The following ASZ1 variants were observed in gnomAD, a reference collection of about 807,000 sequenced individuals.
ASZ1 encodes the protein ankyrin repeat, SAM and basic leucine zipper domain containing 1, also known as ankyrin repeat, SAM and basic leucine zipper domain-containing protein 1.
ASZ1 carries 67 observed loss-of-function variants against 61.8 expected under a neutral mutation model. The ratio of observed to expected loss-of-function variants is 1.08; its 90% CI spans 0.89 to 1.33. The LOEUF (loss-of-function observed/expected upper bound fraction) is 1.33. ASZ1 is among the 40% of genes most tolerant of loss of function. The pLI is 0.00. For missense variants in ASZ1, 577 were observed against 554.5 expected (o/e 1.04, Z -0.41); for synonymous variants, 193 against 192.7 (o/e 1.00, Z -0.01).
chr7:117,408,470 C>G (rs1364803898), intron 4 of ASZ1, among the ~76,000 whole-genome samples: 1 of 152,122 alleles, frequency 6.6e-6, no homozygotes, highest in African/African-American at 2.4e-5. Flanking sequence ...CCATTACACC[C>G]AACCATTGCC....
intron 2 of ASZ1, 97 bp from the exon 3 acceptor site, chr7:117,422,456 T>C: frequency 7.7e-7 from 1 of 1,304,748 alleles, no homozygotes; most frequent in Non-Finnish European, 1.0e-6. Context: ...GTGACGTACA[T>C]CATGTACTTT....
At chr7:117,394,501 T>G (rs763598857) in intron 4 of ASZ1, among the ~76,000 whole-genome samples, 3 of 152,214 alleles carry the variant, frequency 2.0e-5, no homozygotes, top group Non-Finnish European at 4.4e-5. Context: ...TGTCTACATA[T>G]TTTAATTAAA....
chr7:117,398,852 T>C (rs916431595), intron 4 of ASZ1, among the ~76,000 whole-genome samples: 2 of 152,146 alleles, frequency 1.3e-5, no homozygotes, highest in African/African-American at 4.8e-5. Context: ...CTTTCCTCCT[T>C]CTCCACTTGC....
intron 4 of ASZ1, among the ~76,000 whole-genome samples, chr7:117,418,273 A>T (rs1584743045): frequency 6.6e-6 from 1 of 152,338 alleles, no homozygotes; most frequent in East Asian, 1.9e-4. Context: ...GGAGTACTAA[A>T]GCACATGTCC....
chr7:117,377,283 T>C (rs1409090121), intron 10 of ASZ1, among the ~76,000 whole-genome samples: 1 of 152,094 alleles, frequency 6.6e-6, no homozygotes, highest in East Asian at 1.9e-4. Flanking sequence ...TCCCAGTACT[T>C]AGGGAGCCGA....
chr7:117,366,870 A>G (rs1022419249), intron 12 of ASZ1, among the ~76,000 whole-genome samples: 10 of 152,112 alleles, frequency 6.6e-5, no homozygotes, highest in Admixed American at 3.9e-4. Flanking sequence ...TCATATCTTT[A>G]GCTGATATTT....
chr7:117,421,991 C>A (rs1045753744), intron 3 of ASZ1, among the ~76,000 whole-genome samples: 1 of 152,004 alleles, frequency 6.6e-6, no homozygotes, highest in African/African-American at 2.4e-5. Flanking sequence ...TAAAAACAAC[C>A]AAAACCTTAA....
intron 4 of ASZ1, among the ~76,000 whole-genome samples, chr7:117,411,877 T>C (rs1796896083): frequency 1.3e-5 from 2 of 151,758 alleles, no homozygotes; most frequent in Admixed American, 6.6e-5. Context: ...TTAACCACCA[T>C]ATAAAATAAG....
chr7:117,423,351 T>A (rs1797133957), intron 2 of ASZ1, among the ~76,000 whole-genome samples: 1 of 152,044 alleles, frequency 6.6e-6, no homozygotes, highest in African/African-American at 2.4e-5. Flanking sequence ...TACATAATAA[T>A]CACTGGGAGA....
intron 4 of ASZ1, among the ~76,000 whole-genome samples, chr7:117,394,446 A>G (rs1296774734): frequency 6.6e-6 from 1 of 152,140 alleles, no homozygotes; most frequent in Non-Finnish European, 1.5e-5. Flanking sequence ...GTTAACTTTT[A>G]GGATTTTTGC....
intron 10 of ASZ1, among the ~76,000 whole-genome samples, chr7:117,376,601 AC>A (rs1324540499): frequency 6.6e-6 from 1 of 152,160 alleles, no homozygotes; most frequent in East Asian, 1.9e-4. Flanking sequence ...ACCCACAACC[AC>A]ATGGGATTAA....
intron 4 of ASZ1, among the ~76,000 whole-genome samples, chr7:117,399,605 T>A (rs1796640515): frequency 6.6e-6 from 1 of 152,268 alleles, no homozygotes; most frequent in South Asian, 2.1e-4. Context: ...CTCAAAATTT[T>A]TTACATTCAA....
At chr7:117,388,852 A>G (rs1321093198) in intron 4 of ASZ1, among the ~76,000 whole-genome samples, 2 of 152,308 alleles carry the variant, frequency 1.3e-5, no homozygotes, top group East Asian at 3.9e-4. Context: ...AATTGTCTTT[A>G]TTCACAGACA....
intron 4 of ASZ1, among the ~76,000 whole-genome samples, chr7:117,386,587 C>T (rs554228593): frequency 6.6e-6 from 1 of 152,156 alleles, no homozygotes; most frequent in Admixed American, 6.6e-5. Context: ...GACTCTGAGC[C>T]CAATTTTCCT....
intron 2 of ASZ1, among the ~76,000 whole-genome samples, chr7:117,424,303 T>C (rs1421566464): frequency 6.6e-6 from 1 of 152,154 alleles, no homozygotes; most frequent in Non-Finnish European, 1.5e-5. Context: ...TGCAGAAGCA[T>C]GTTTCAAGAA....
intron 10 of ASZ1, among the ~76,000 whole-genome samples, chr7:117,376,825 C>G (rs1012295457): frequency 6.6e-6 from 1 of 152,042 alleles, no homozygotes. Context: ...GCTAACATCA[C>G]AGTTAATTAA....
intron 10 of ASZ1, among the ~76,000 whole-genome samples, chr7:117,378,143 T>A (rs1295689925): frequency 6.6e-6 from 1 of 152,148 alleles, no homozygotes; most frequent in Non-Finnish European, 1.5e-5. Flanking sequence ...TTTAACCTGA[T>A]ACTAAAAATA....
intron 4 of ASZ1, among the ~76,000 whole-genome samples, chr7:117,390,227 TG>T (rs1463004167): frequency 6.6e-6 from 1 of 151,796 alleles, no homozygotes; most frequent in African/African-American, 2.4e-5. Context: ...TGTAGTGCAG[TG>T]GTACAATCAT....
At chr7:117,408,916 T>C (rs1467640419) in intron 4 of ASZ1, among the ~76,000 whole-genome samples, 3 of 152,068 alleles carry the variant, frequency 2.0e-5, no homozygotes, top group Admixed American at 6.6e-5. Context: ...GTGGGTTACA[T>C]GGGTATATGT....
Sources: allele counts gnomAD v4.1 joint callset (sites outside exome capture counted in the v4.1 genomes callset), GRCh38; gene constraint gnomAD v4.1.1; transcripts MANE v1.5; gene names NCBI Gene and HGNC (gene_info 2026-07-23, HGNC 2026-07-21).